The following MON2 variants were observed in gnomAD, a reference collection of about 807,000 sequenced individuals.
The protein encoded by MON2 is protein MON2 homolog.
MON2 carries 84 observed loss-of-function variants against 208.6 expected under a neutral mutation model. The ratio of observed to expected loss-of-function variants is 0.40; its 90% confidence interval spans 0.34 to 0.48. The LOEUF (loss-of-function observed/expected upper bound fraction) is 0.48. MON2 is among the 20% of genes least tolerant of loss of function. The probability of loss-of-function intolerance (pLI) is 0.59; values close to 1 mark genes in which losing one functional copy is unlikely to be tolerated. For missense variants in MON2, 1,611 were observed against 2,015.4 expected, an observed-to-expected ratio of 0.80 and a Z score of 3.84; for synonymous variants, 660 against 694.0, an observed-to-expected ratio of 0.95 and a Z score of 0.77.
chr12:62,481,762 C>T (rs562033962), intron 1 of MON2, among the ~76,000 whole-genome samples: 3 of 152,178 alleles, frequency 2.0e-5, no homozygotes, highest in African/African-American at 7.2e-5. Context: ...AGAAATAAGT[C>T]CTGGTGTATC....
intron 8 of MON2, chr12:62,509,280 A>C (rs1246276942): frequency 6.6e-6 from 1 of 152,068 alleles, no homozygotes; most frequent in Non-Finnish European, 1.5e-5. Context: ...ACACCTGGCT[A>C]ATTTTTGTAT....
intron 1 of MON2, among the ~76,000 whole-genome samples, chr12:62,472,444 A>T (rs2068840867): frequency 6.6e-6 from 1 of 152,218 alleles, no homozygotes; most frequent in Admixed American, 6.5e-5. Context: ...AGAATCAGTA[A>T]GGGTATAAAT....
intron 1 of MON2, among the ~76,000 whole-genome samples, chr12:62,480,368 A>G (rs1005623599): frequency 6.6e-6 from 1 of 152,098 alleles, no homozygotes; most frequent in Non-Finnish European, 1.5e-5. Flanking sequence ...AGACCAGCCT[A>G]GACAGCATAG....
At position 62,585,567 on chromosome 12, in the gene MON2, C is replaced by G. The variant is rs2075195019; in HGVS notation, c.4907+66C>G. On this transcript the variant is annotated intron_variant, in intron 33 of 34. Transcript: ENST00000393630. The stretch of plus-strand genomic sequence containing the variant: ...TACTAATTGTTGATAACAAGGAAAA[C>G]TCTGAAAAGCAAGTGTTTTTGTAAG... 2.4e-6 allele frequency: 3 copies of G among 1,275,774 alleles called. No individual in the cohort carries two copies. In the African/African-American group the frequency reaches 5.1e-5, roughly 22 times the overall value. 79.0% of individuals were successfully genotyped at this position (1,275,774 alleles called of 1,614,324 possible).
intron 11 of MON2, among the ~76,000 whole-genome samples, chr12:62,527,553 A>T (rs895502368): frequency 1.3e-5 from 2 of 152,184 alleles, no homozygotes; most frequent in African/African-American, 4.8e-5. Context: ...ACTAAAGGAG[A>T]CATTAATTAT....
At chr12:62,566,482 G>C (rs376041040) in intron 29 of MON2, 32 bp downstream of exon 29, 4 of 1,586,280 alleles carry the variant, frequency 2.5e-6, no homozygotes, top group Non-Finnish European at 3.4e-6. Context: ...ACTTTCATTA[G>C]ATGGTGTGAA....
chr12:62,476,075 T>C (rs1045084601), intron 1 of MON2, among the ~76,000 whole-genome samples: 2 of 152,136 alleles, frequency 1.3e-5, no homozygotes. Flanking sequence ...TATATATTTT[T>C]AGTTATATAC....
At chr12:62,557,042 C>G (rs949164941) in intron 25 of MON2, among the ~76,000 whole-genome samples, 20 of 151,566 alleles carry the variant, frequency 1.3e-4, no homozygotes, top group African/African-American at 4.9e-4. Flanking sequence ...TAGCCAAGAT[C>G]GTGCCACTGC....
At chr12:62,550,905 CTTTCTTTTT>C (rs1555172897) in intron 23 of MON2, among the ~76,000 whole-genome samples, 26 of 118,384 alleles carry the variant, frequency 2.2e-4, no homozygotes, top group East Asian at 4.9e-4. Context: ...TTTCTTCTTT[CTTTCTTTTT>C]TTTTTTTTTT....
chr12:62,513,708 AGG>A lies in MON2; in HGVS notation c.984+5229_984+5230del. 1.6e-5 allele frequency among the ~76,000 whole-genome samples: 2 copies of A among 123,056 alleles called. 1 individual carries two copies. The highest frequency in any genetic ancestry group is 3.8e-5 in the Non-Finnish European group (2 of 53,244). 80.7% of individuals were successfully genotyped at this position (123,056 alleles called of 152,430 possible). On this transcript the variant is annotated intron_variant, in intron 8 of 34. Coordinates refer to ENST00000393630, the MANE Select transcript of MON2 (RefSeq NM_015026.3). Reference sequence around the variant, plus strand: ...ACGCCTGTAATCCCAGCACTTTGGGAGGCTGAGGCAGGCGGGTCATGAGGTCA... The same window carrying A: ...ACGCCTGTAATCCCAGCACTTTGGGACTGAGGCAGGCGGGTCATGAGGTCA...
At chr12:62,581,428 T>A (rs990498004) in intron 32 of MON2, among the ~76,000 whole-genome samples, 1 of 152,092 alleles carries the variant, frequency 6.6e-6, no homozygotes, top group Admixed American at 6.5e-5. Context: ...TGGTGACACA[T>A]GCCTGTAGTC....
chr12:62,570,775 C>T (rs1203292734), intron 29 of MON2, among the ~76,000 whole-genome samples: 7 of 131,348 alleles, frequency 5.3e-5, no homozygotes, highest in Non-Finnish European at 1.1e-4. Context: ...ACTCTGTTGC[C>T]GGGCTGGAGT....
At chr12:62,580,514 A>C in intron 32 of MON2, 94 bp downstream of exon 32, 1 of 1,088,096 alleles carries the variant, frequency 9.2e-7, no homozygotes, top group South Asian at 1.5e-5. Context: ...GGTAATGTAA[A>C]CTGGAGAATG....
chr12:62,575,037 G>A (rs1049976339), intron 30 of MON2, among the ~76,000 whole-genome samples: 1 of 152,056 alleles, frequency 6.6e-6, no homozygotes, highest in Non-Finnish European at 1.5e-5. Context: ...GAGGTGGGAT[G>A]ATCACTTGAG....
In MON2 at chr12:62,560,782, T is replaced by G; in HGVS notation, c.3701T>G (p.Leu1234Arg). 6.2e-7 allele frequency: 1 copy of G among 1,614,122 alleles called. No homozygotes were observed. Among genetic ancestry groups the G allele is most frequent in the Non-Finnish European group, 8.5e-7 (1 of 1,179,976 alleles). ...SSEPPIVTDELEDLNLWWAAW... is the reference protein window; with the variant it reads ...SSEPPIVTDEREDLNLWWAAW... The stretch of plus-strand genomic sequence containing the variant: ...GAGCCACCCATTGTTACTGATGAGC[T>G]TGAAGATTTGAATCTATGGTGGGCT... The change falls in exon 26 of 35, where the codon CTT (leucine) becomes CGT (arginine). Residue 1234 changes from leucine (L) to arginine (R), a missense_variant. Coordinates refer to ENST00000393630, the MANE Select transcript of MON2 (RefSeq NM_015026.3).
chr12:62,578,430 G>GTTT lies in MON2; in HGVS notation c.4515-5_4515-3dup, dbSNP rs5798648. On this transcript the variant is annotated splice_polypyrimidine_tract_variant and intron_variant, in intron 30 of 34. Coordinates refer to ENST00000393630, the MANE Select transcript of MON2 (RefSeq NM_015026.3). ...AATATTTTATCTTTAAAAATCAAGT[G>GTTT]TTTTTTTTTTTTAGCATACCTCCAG... The GTTT allele has an allele frequency of 3.5e-4, 395 of 1,129,198 alleles. No individual in the cohort carries two copies. The highest frequency in any genetic ancestry group is 7.5e-4 in the Admixed American group (27 of 36,148). 69.9% of individuals were successfully genotyped at this position (1,129,198 alleles called of 1,614,324 possible).
At chr12:62,583,801 A>AAAAC (rs2075091136) in intron 32 of MON2, among the ~76,000 whole-genome samples, 1 of 150,902 alleles carries the variant, frequency 6.6e-6, no homozygotes, top group Non-Finnish European at 1.5e-5. Context: ...AAAAAAAAAA[A>AAAAC]ATACAAAAAT....
intron 29 of MON2, among the ~76,000 whole-genome samples, chr12:62,569,386 A>T (rs991172260): frequency 3.3e-5 from 5 of 152,200 alleles, no homozygotes; most frequent in East Asian, 1.9e-4. Context: ...AAATTCAAAG[A>T]TAGAGGAAGG....
chr12:62,474,779 T>A lies in MON2; in HGVS notation c.111+7461T>A, dbSNP rs1429547296. On this transcript the variant is annotated intron_variant, in intron 1 of 34. Transcript: ENST00000393630. ...TTTCCTCAAAACGTCATTTTCCCCCTATTTCAGTTGTTTTGTTAATGGTAT... is the reference window on the plus strand; with the variant it reads ...TTTCCTCAAAACGTCATTTTCCCCCAATTTCAGTTGTTTTGTTAATGGTAT... Among the ~76,000 whole-genome samples, 9 of 152,214 alleles carry A rather than the reference T, an allele frequency of 5.9e-5. No homozygotes were observed. In the East Asian group the frequency reaches 9.6e-4, roughly 16 times the overall value.
Sources: allele counts gnomAD v4.1 joint callset (sites outside exome capture counted in the v4.1 genomes callset), GRCh38; gene constraint gnomAD v4.1.1; transcripts MANE v1.5; gene names NCBI Gene and HGNC (gene_info 2026-07-23, HGNC 2026-07-21).